Variants in UBTD2 observed in about 807,000 individuals in gnomAD.
UBTD2 encodes the protein ubiquitin domain-containing protein 2.
UBTD2 carries 9 observed loss-of-function variants against 19.8 expected under a neutral mutation model. The ratio of observed to expected loss-of-function variants is 0.46; its 90% confidence interval spans 0.27 to 0.79. The LOEUF (loss-of-function observed/expected upper bound fraction) is 0.79, where lower values mean the gene tolerates loss of function less well. Among genes scored for constraint, UBTD2 ranks in the 30% least tolerant of loss-of-function variants. The pLI is 0.14. For synonymous variants in UBTD2, 98 were observed against 103.9 expected (o/e 0.94, Z 0.35); for missense variants, 250 against 300.4 (o/e 0.83, Z 1.24).
At chr5:172,245,247 C>T (rs1465209735) in intron 1 of UBTD2, among the ~76,000 whole-genome samples, 3 of 152,178 alleles carry the variant, frequency 2.0e-5, no homozygotes, top group Admixed American at 2.0e-4. Context: ...CTGGCAGTAA[C>T]AACTCTGAGA....
chr5:172,218,611 A>G (rs1288044113), intron 2 of UBTD2, among the ~76,000 whole-genome samples: 1 of 151,584 alleles, frequency 6.6e-6, no homozygotes, highest in East Asian at 1.9e-4. Flanking sequence ...GCACAAAAAA[A>G]TTTTTGCACA....
At chr5:172,228,798 G>T (rs1039961586) in intron 2 of UBTD2, among the ~76,000 whole-genome samples, 13 of 152,028 alleles carry the variant, frequency 8.6e-5, no homozygotes, top group African/African-American at 2.4e-4. Flanking sequence ...TCTCAGTCCA[G>T]TGTTCTTTTC....
intron 1 of UBTD2, among the ~76,000 whole-genome samples, chr5:172,274,133 T>A (rs1385983234): frequency 8.0e-6 from 1 of 125,412 alleles, no homozygotes; most frequent in African/African-American, 3.2e-5. Context: ...AATTTTGCTT[T>A]ACTTTTTTTT....
intron 2 of UBTD2, 60 bp from the exon 3 acceptor site, chr5:172,212,287 G>A: frequency 1.3e-6 from 2 of 1,512,482 alleles, no homozygotes; most frequent in Non-Finnish European, 8.9e-7. Context: ...TTTTGTTTAT[G>A]CCTCACAAAA....
chr5:172,220,496 G>A lies in UBTD2; in HGVS notation c.308-8269C>T, dbSNP rs139903324. ...ACTAAAAATACAAAACTAGCCGAGC[G>A]TGGTGGCACATGCCTGTAATCCCAG... On this transcript the variant is annotated intron_variant, in intron 2 of 2. Coordinates refer to ENST00000393792, the MANE Select transcript of UBTD2 (RefSeq NM_152277.3). Among the ~76,000 whole-genome samples the A allele has an allele frequency of 9.5e-3, 1,453 of 152,246 alleles. 31 individuals carry two copies. The highest frequency in any genetic ancestry group is 0.033 in the African/African-American group (1,359 of 41,552).
At chr5:172,278,276 T>C (rs553814181) in intron 1 of UBTD2, among the ~76,000 whole-genome samples, 1 of 151,622 alleles carries the variant, frequency 6.6e-6, no homozygotes, top group South Asian at 2.1e-4. Flanking sequence ...AACAGATGAA[T>C]GGATAAAAAA....
intron 1 of UBTD2, among the ~76,000 whole-genome samples, chr5:172,256,937 G>A (rs2113085523): frequency 6.6e-6 from 1 of 152,216 alleles, no homozygotes; most frequent in East Asian, 1.9e-4. Flanking sequence ...GTTTCTAAAA[G>A]TTCTAAAAAT....
chr5:172,238,126 G>A (rs1457038548), intron 1 of UBTD2, among the ~76,000 whole-genome samples: 3 of 152,166 alleles, frequency 2.0e-5, no homozygotes, highest in Admixed American at 2.0e-4. Flanking sequence ...AAACATTTTT[G>A]TAAGATGTAG....
chr5:172,234,049 TC>T, intron 2 of UBTD2, 72 bp downstream of exon 2: 22 of 1,459,566 alleles, frequency 1.5e-5, no homozygotes, highest in Non-Finnish European at 2.0e-5. Context: ...AAAAACACTC[TC>T]CCATTTGGTT....
rs116609637 is a variant in UBTD2 at position 172,266,379 on chromosome 5, G to C, written c.70+17217C>G. On this transcript the variant is annotated intron_variant, in intron 1 of 2. Transcript: ENST00000393792. ...TCTAATCCATTCTTCATAAGCAACAGTCAGATTTTTAAAAACACAGCAGAG... is the reference window on the plus strand; with the variant it reads ...TCTAATCCATTCTTCATAAGCAACACTCAGATTTTTAAAAACACAGCAGAG... Among the ~76,000 whole-genome samples the C allele has an allele frequency of 7.1e-3, 1,082 of 152,292 alleles. 8 individuals are homozygous for C. The highest frequency in any genetic ancestry group is 0.011 in the Non-Finnish European group (759 of 68,028).
intron 1 of UBTD2, among the ~76,000 whole-genome samples, chr5:172,256,266 TTC>T (rs1233039632): frequency 1.3e-5 from 2 of 152,132 alleles, no homozygotes; most frequent in Non-Finnish European, 2.9e-5. Context: ...CACTTTAAAT[TTC>T]TCTGAACATG....
intron 2 of UBTD2, among the ~76,000 whole-genome samples, chr5:172,215,844 G>C (rs1390783673): frequency 6.6e-6 from 1 of 152,118 alleles, no homozygotes; most frequent in African/African-American, 2.4e-5. Context: ...GAATGAGGAA[G>C]GAATATCTGA....
chr5:172,245,478 C>T (rs752580956), intron 1 of UBTD2, among the ~76,000 whole-genome samples: 6 of 152,106 alleles, frequency 3.9e-5, no homozygotes, highest in South Asian at 2.1e-4. Flanking sequence ...TTTGGGATGC[C>T]AAGACAGGCG....
At chr5:172,282,887 C>G (rs1342783327) in intron 1 of UBTD2, among the ~76,000 whole-genome samples, 1 of 152,098 alleles carries the variant, frequency 6.6e-6, no homozygotes, top group Non-Finnish European at 1.5e-5. Context: ...TGCACTTGTA[C>G]TTTTATCCTA....
chr5:172,231,303 C>A (rs1771891312), intron 2 of UBTD2, among the ~76,000 whole-genome samples: 2 of 152,286 alleles, frequency 1.3e-5, no homozygotes, highest in South Asian at 4.1e-4. Flanking sequence ...TATTAACACC[C>A]AGAATGTTAT....
intron 1 of UBTD2, among the ~76,000 whole-genome samples, chr5:172,282,853 G>T (rs893175299): frequency 1.3e-5 from 2 of 152,156 alleles, no homozygotes; most frequent in Non-Finnish European, 2.9e-5. Flanking sequence ...TGATCTTACT[G>T]GGTGGGGTAA....
chr5:172,266,070 A>G (rs1378932318), intron 1 of UBTD2, among the ~76,000 whole-genome samples: 3 of 151,860 alleles, frequency 2.0e-5, no homozygotes, highest in African/African-American at 7.3e-5. Context: ...AGTAGCTGGG[A>G]TTACAGGTGT....
chr5:172,282,875 A>T (rs1023057645), intron 1 of UBTD2, among the ~76,000 whole-genome samples: 1 of 152,158 alleles, frequency 6.6e-6, no homozygotes. Flanking sequence ...TCAGGGTCCA[A>T]CTGCACTTGT....
chr5:172,255,262 T>C (rs1755117445), intron 1 of UBTD2: 3 of 461,230 alleles, frequency 6.5e-6, no homozygotes, highest in Non-Finnish European at 1.3e-5. Context: ...TGGCTCCATC[T>C]GTATTCCATG....
Sources: gnomAD v4.1 joint callset for allele counts (sites outside exome capture counted in the v4.1 genomes callset) on GRCh38, gnomAD v4.1.1 for gene constraint, MANE v1.5 for transcripts, NCBI Gene and HGNC (gene_info 2026-07-23, HGNC 2026-07-21) for gene names.